PYY: variants seen among roughly 807,000 people sequenced by gnomAD.
The protein encoded by PYY is peptide YY.
A neutral mutation model predicts 10.3 loss-of-function variants in PYY; 12 were observed. The observed-to-expected ratio is 1.17, with a 90% CI of 0.75 to 1.89. The LOEUF (loss-of-function observed/expected upper bound fraction) is 1.89, where lower values mean the gene tolerates loss of function less well. Among genes scored for constraint, PYY ranks in the 40% most tolerant of loss-of-function variants. PYY has a pLI of 0.00. For synonymous variants in PYY, 66 were observed against 62.0 expected (o/e 1.06, Z -0.30); for missense variants, 141 against 134.0 (o/e 1.05, Z -0.26).
intron 1 of PYY, among the ~76,000 whole-genome samples, chr17:44,001,204 C>T (rs1270471950): frequency 6.6e-6 from 1 of 152,112 alleles, no homozygotes; most frequent in African/African-American, 2.4e-5. Context: ...GAGATGCGGC[C>T]AAGAAGGGCT....
At chr17:43,982,557 G>A (rs1407618648) in intron 1 of PYY, among the ~76,000 whole-genome samples, 2 of 152,256 alleles carry the variant, frequency 1.3e-5, no homozygotes, top group Non-Finnish European at 2.9e-5. Context: ...AAAAGCCAGA[G>A]AAGGGTTTAG....
chr17:43,953,165 G>A lies in PYY; in HGVS notation c.213C>T (p.Asp71=), dbSNP rs1320885015. The change falls in exon 3 of 4, where the codon GAC becomes GAT. Residue 71 remains aspartate (D), a synonymous_variant. Transcript: ENST00000692052. ...GGAAGAACGTTTTGGAAAGAAGCGT[G>A]TCCGGGCCGTCTCTTTTCCCATACC... The part of the protein sequence containing the change: ...RQRYGKRDGP[D]TLLSKTFFPD... 1 of 1,613,842 alleles carries A rather than the reference G, an allele frequency of 6.2e-7. No homozygotes were observed. Among genetic ancestry groups the A allele is most frequent in the African/African-American group, 1.3e-5 (1 of 74,900 alleles).
chr17:43,997,874 A>G (rs1322172064), intron 1 of PYY, among the ~76,000 whole-genome samples: 4 of 152,110 alleles, frequency 2.6e-5, no homozygotes, highest in African/African-American at 9.7e-5. Context: ...TTATGGGTAG[A>G]ATATATACTG....
At chr17:43,968,878 C>A (rs1309083663) in intron 1 of PYY, among the ~76,000 whole-genome samples, 1 of 151,742 alleles carries the variant, frequency 6.6e-6, no homozygotes, top group African/African-American at 2.4e-5. Flanking sequence ...GAGGCCAAGG[C>A]GGGTGGATCG....
chr17:43,970,361 C>G (rs541409411), intron 1 of PYY, among the ~76,000 whole-genome samples: 2 of 151,640 alleles, frequency 1.3e-5, no homozygotes, highest in African/African-American at 4.8e-5. Flanking sequence ...TACAAAAATT[C>G]CTGGGCGTGG....
intron 1 of PYY, among the ~76,000 whole-genome samples, chr17:43,976,460 T>C (rs1242472212): frequency 6.9e-6 from 1 of 145,696 alleles, no homozygotes; most frequent in Non-Finnish European, 1.5e-5. Flanking sequence ...TATACATATA[T>C]ATACACACAC....
At chr17:43,985,555 C>T (rs1429742945) in intron 1 of PYY, among the ~76,000 whole-genome samples, 2 of 152,178 alleles carry the variant, frequency 1.3e-5, no homozygotes, top group Admixed American at 1.3e-4. Context: ...CACAGTAACA[C>T]CCTCACTGGT....
chr17:43,980,329 A>C (rs1196712219), intron 1 of PYY, among the ~76,000 whole-genome samples: 1 of 151,230 alleles, frequency 6.6e-6, no homozygotes, highest in Non-Finnish European at 1.5e-5. Flanking sequence ...ATGCCCGGCT[A>C]ATTTTTGTAT....
chr17:43,952,847 T>A lies in PYY; in HGVS notation c.*109A>T, dbSNP rs2048640331. 4 of 1,300,936 alleles carry A rather than the reference T, an allele frequency of 3.1e-6. No individual in the cohort carries two copies. Among genetic ancestry groups the A allele is most frequent in the Middle Eastern group, 1.9e-4 (1 of 5,144 alleles). The allele number at this position is 1,300,936 out of a possible 1,614,324, so 80.6% of individuals were successfully genotyped here. On this transcript the variant is annotated 3_prime_UTR_variant, in exon 4 of 4. Transcript: ENST00000692052. ...CGGGCGGAGGGCCGCACCCGAACCC[T>A]GCCCAGACGCCGCCGTCGGGAGGCA...
intron 1 of PYY, among the ~76,000 whole-genome samples, chr17:43,993,121 C>CGACTAA (rs1235142683): frequency 6.6e-6 from 1 of 152,128 alleles, no homozygotes; most frequent in African/African-American, 2.4e-5. Flanking sequence ...TGAGACCAGC[C>CGACTAA]TAGTCAACAT....
intron 1 of PYY, among the ~76,000 whole-genome samples, chr17:43,981,039 T>C (rs2048880696): frequency 6.6e-6 from 1 of 152,068 alleles, no homozygotes; most frequent in African/African-American, 2.4e-5. Flanking sequence ...TTTCTTTTTT[T>C]TTTTAGTACA....
intron 1 of PYY, among the ~76,000 whole-genome samples, chr17:44,000,220 T>C (rs1355864518): frequency 1.3e-5 from 2 of 152,040 alleles, no homozygotes; most frequent in Non-Finnish European, 2.9e-5. Flanking sequence ...GGCGTCGAGG[T>C]TGTATGTCTT....
Position 43,960,554 on chromosome 17 carries a change from A to C in PYY, c.-217-2526T>G, listed in dbSNP as rs1174218046. Reference sequence around the variant, plus strand: ...TCTCAAAAAAAAAAAAAAAAAAAAAAACAATATTCATTAGGCCAGACGCAG... The same window carrying C: ...TCTCAAAAAAAAAAAAAAAAAAAAACACAATATTCATTAGGCCAGACGCAG... On this transcript the variant is annotated intron_variant, in intron 2 of 6. Transcript: ENST00000360085. 5.5e-4 allele frequency among the ~76,000 whole-genome samples: 81 copies of C among 147,022 alleles called. 1 individual carries two copies. The highest frequency in any genetic ancestry group is 2.0e-3 in the African/African-American group (81 of 39,822).
chr17:43,998,129 G>A (rs1392252362), intron 1 of PYY, among the ~76,000 whole-genome samples: 1 of 152,092 alleles, frequency 6.6e-6, no homozygotes, highest in Admixed American at 6.5e-5. Flanking sequence ...AGTAGAGACG[G>A]AGTTTCACCA....
intron 1 of PYY, among the ~76,000 whole-genome samples, chr17:43,976,235 G>GTATACGTGTATACATATA: frequency 9.3e-6 from 1 of 107,006 alleles, no homozygotes; most frequent in Non-Finnish European, 1.8e-5. Flanking sequence ...ATATACATAT[G>GTATACGTGTATACATATA]CGTATATATA....
chr17:43,970,505 TAA>T (rs74436025), intron 1 of PYY, among the ~76,000 whole-genome samples: 12 of 132,566 alleles, frequency 9.1e-5, no homozygotes, highest in Non-Finnish European at 9.8e-5. Context: ...AGACCCTGTC[TAA>T]AAAAAAAAAA....
chr17:43,970,208 A>AT (rs1428641532), intron 1 of PYY, among the ~76,000 whole-genome samples: 2 of 92,808 alleles, frequency 2.2e-5, no homozygotes, highest in Non-Finnish European at 3.5e-5. Context: ...TCTTAAAAAA[A>AT]AAAAAAAAAA....
intron 1 of PYY, among the ~76,000 whole-genome samples, chr17:43,999,276 G>A (rs1459275870): frequency 2.0e-5 from 3 of 152,100 alleles, no homozygotes; most frequent in African/African-American, 4.8e-5. Context: ...TGGTAGGGGT[G>A]GGGGAGATGG....
chr17:43,963,632 G>GAA (rs1555617159), intron 2 of PYY, among the ~76,000 whole-genome samples: 3 of 143,290 alleles, frequency 2.1e-5, no homozygotes, highest in East Asian at 2.0e-4. Context: ...GAAAGAGAAA[G>GAA]AAAGAAAAGA....
Sources: allele counts gnomAD v4.1 joint callset (sites outside exome capture counted in the v4.1 genomes callset), GRCh38; gene constraint gnomAD v4.1.1; transcripts MANE v1.5; gene names NCBI Gene and HGNC (gene_info 2026-07-23, HGNC 2026-07-21).